Variants in ARHGAP44 observed in about 807,000 individuals in gnomAD.
ARHGAP44 encodes the protein Rho GTPase activating protein 44, also known as rho GTPase-activating protein 44.
In ARHGAP44, 43 loss-of-function variants were observed where a neutral mutation model predicts 106.8. The ratio of observed to expected loss-of-function variants is 0.40; its 90% CI spans 0.32 to 0.52. The LOEUF (loss-of-function observed/expected upper bound fraction) is 0.52. Among genes scored for constraint, ARHGAP44 ranks in the 20% least tolerant of loss-of-function variants. The pLI, the probability that ARHGAP44 is intolerant of heterozygous loss-of-function variation, is 0.48. For missense variants in ARHGAP44, 866 were observed against 1,050.5 expected (o/e 0.82, Z 2.43); for synonymous variants, 439 against 410.3 (o/e 1.07, Z -0.85).
At chr17:12,875,066 C>T (rs1265425835) in intron 1 of ARHGAP44, among the ~76,000 whole-genome samples, 2 of 152,090 alleles carry the variant, frequency 1.3e-5, no homozygotes, top group Admixed American at 6.5e-5. Context: ...GGATTTTACT[C>T]CACACACCAG....
intron 18 of ARHGAP44, among the ~76,000 whole-genome samples, chr17:12,979,157 G>A (rs1332965174): frequency 6.6e-6 from 1 of 152,226 alleles, no homozygotes; most frequent in Non-Finnish European, 1.5e-5. Context: ...GCCACCTGGA[G>A]AATTTTCTTG....
intron 8 of ARHGAP44, among the ~76,000 whole-genome samples, chr17:12,942,177 C>T (rs12940746): frequency 0.25 from 37,307 of 152,118 alleles, 4,933 homozygotes; most frequent in East Asian, 0.54. Flanking sequence ...GATGGAGTCT[C>T]GCTCTGTTGC....
chr17:12,889,654 C>G (rs993497137), intron 1 of ARHGAP44, among the ~76,000 whole-genome samples: 3 of 152,170 alleles, frequency 2.0e-5, no homozygotes, highest in East Asian at 3.9e-4. Context: ...TGCATTTGCT[C>G]CATCTCAATA....
At chr17:12,922,550 T>C (rs2038114211) in intron 6 of ARHGAP44, among the ~76,000 whole-genome samples, 1 of 152,208 alleles carries the variant, frequency 6.6e-6, no homozygotes, top group Admixed American at 6.5e-5. Flanking sequence ...CTCTGAAGTC[T>C]TTTCTTTGCA....
intron 1 of ARHGAP44, chr17:12,790,223 T>G: frequency 3.1e-6 from 1 of 322,468 alleles, no homozygotes. Flanking sequence ...CCTGTCTTCC[T>G]GGAAACAGGT....
At chr17:12,794,865 G>T (rs1331299056) in intron 1 of ARHGAP44, among the ~76,000 whole-genome samples, 1 of 152,160 alleles carries the variant, frequency 6.6e-6, no homozygotes, top group Non-Finnish European at 1.5e-5. Flanking sequence ...AGGAGCACTG[G>T]TGCTGCAGAC....
At chr17:12,982,672 CATTT>C in intron 19 of ARHGAP44, 1 of 152,342 alleles carries the variant, frequency 6.6e-6, no homozygotes, top group Admixed American at 6.5e-5. Flanking sequence ...TGTATGATCT[CATTT>C]AATTATTACA....
chr17:12,869,191 AT>A (rs1434625107), intron 1 of ARHGAP44, among the ~76,000 whole-genome samples: 1 of 152,144 alleles, frequency 6.6e-6, no homozygotes, highest in Non-Finnish European at 1.5e-5. Context: ...TGGATTAGAG[AT>A]TTAAAAATAA....
intron 1 of ARHGAP44, among the ~76,000 whole-genome samples, chr17:12,802,969 A>T (rs371752597): frequency 0.4 from 16,185 of 40,788 alleles, 3,133 homozygotes; most frequent in African/African-American, 0.63. Flanking sequence ...ATATATATAT[A>T]TTTTTTTTTT....
At chr17:12,889,566 C>A (rs1217453085) in intron 1 of ARHGAP44, among the ~76,000 whole-genome samples, 1 of 152,202 alleles carries the variant, frequency 6.6e-6, no homozygotes, top group Non-Finnish European at 1.5e-5. Context: ...CGGTTTCCAA[C>A]ACAGGAACTT....
Position 12,990,109 on chromosome 17 carries a change from C to A in ARHGAP44, c.2395C>A (p.Arg799=), listed in dbSNP as rs868156851. The A allele has an allele frequency of 6.2e-7, 1 of 1,613,324 alleles. No individual in the cohort carries two copies. Among genetic ancestry groups the A allele is most frequent in the Non-Finnish European group, 8.5e-7 (1 of 1,179,714 alleles). Reference sequence around the variant, plus strand: ...CCGCCTGAGTCCCCTGGAGCACATGCGGCGACACTCAGTAACTGACAAGAG... The same window carrying A: ...CCGCCTGAGTCCCCTGGAGCACATGAGGCGACACTCAGTAACTGACAAGAG... The part of the protein sequence containing the change: ...TLRLSPLEHM[R]RHSVTDKRDS... The change falls in exon 21 of 21, where the codon CGG becomes AGG. Residue 799 remains arginine, a synonymous_variant. Coordinates refer to ENST00000379672, the MANE Select transcript of ARHGAP44 (RefSeq NM_014859.6).
At chr17:12,863,373 G>A (rs2036146171) in intron 1 of ARHGAP44, among the ~76,000 whole-genome samples, 1 of 151,986 alleles carries the variant, frequency 6.6e-6, no homozygotes, top group Non-Finnish European at 1.5e-5. Context: ...ATGTAAGTTT[G>A]TTTTTCCCTA....
At chr17:12,974,004 C>T (rs2039599278) in intron 17 of ARHGAP44, 85 bp from the exon 18 acceptor site, 2 of 1,385,246 alleles carry the variant, frequency 1.4e-6, no homozygotes, top group Non-Finnish European at 2.0e-6. Context: ...TCTCCCAACG[C>T]GGACCTGCTT....
intron 1 of ARHGAP44, among the ~76,000 whole-genome samples, chr17:12,827,768 A>G (rs113336033): frequency 0.019 from 2,911 of 152,256 alleles, 84 homozygotes; most frequent in African/African-American, 0.065. Flanking sequence ...GATTTTTAAA[A>G]AAATTAGTAA....
intron 1 of ARHGAP44, among the ~76,000 whole-genome samples, chr17:12,843,920 G>A (rs1040497253): frequency 1.2e-4 from 18 of 151,432 alleles, no homozygotes; most frequent in African/African-American, 4.1e-4. Context: ...ACCTTCCAAA[G>A]TACTGGGATT....
chr17:12,870,283 C>T (rs375620161), intron 1 of ARHGAP44, among the ~76,000 whole-genome samples: 14 of 152,052 alleles, frequency 9.2e-5, no homozygotes, highest in East Asian at 3.9e-4. Context: ...TTCCTGAGTT[C>T]AAGCAGTTCT....
intron 6 of ARHGAP44, among the ~76,000 whole-genome samples, chr17:12,920,165 A>G (rs574643204): frequency 1.4e-4 from 22 of 152,064 alleles, no homozygotes; most frequent in East Asian, 3.9e-4. Flanking sequence ...CACAAGGTCA[A>G]GAGATCGAGA....
chr17:12,989,341 C>T (rs761805476), intron 20 of ARHGAP44, among the ~76,000 whole-genome samples: 3 of 152,172 alleles, frequency 2.0e-5, no homozygotes, highest in Non-Finnish European at 4.4e-5. Flanking sequence ...CTAAGGACTT[C>T]TGTCGTCTTT....
rs373823563 is a variant in ARHGAP44, at chr17:12,929,081, G to C, written c.582+35G>C. 1.9e-6 allele frequency: 3 copies of C among 1,563,336 alleles called. No individual in the cohort carries two copies. In the African/African-American group the frequency reaches 4.1e-5, roughly 21 times the overall value. ...CTCTTTGCTCCTCTCTACTGGGACA[G>C]GCTGGGGAGCCCTCAGGGATTCCCT... On this transcript the variant is annotated intron_variant, in intron 7 of 20. Transcript: ENST00000379672.
Sources: allele counts gnomAD v4.1 joint callset (sites outside exome capture counted in the v4.1 genomes callset), GRCh38; gene constraint gnomAD v4.1.1; transcripts MANE v1.5; gene names NCBI Gene and HGNC (gene_info 2026-07-23, HGNC 2026-07-21).